The following AGAP2 variants were observed in gnomAD, a reference collection of about 807,000 sequenced individuals.
The protein encoded by AGAP2 is ArfGAP with GTPase domain, ankyrin repeat and PH domain 2, also known as arf-GAP with GTPase, ANK repeat and PH domain-containing protein 2.
AGAP2 carries 32 observed loss-of-function variants against 110.9 expected under a neutral mutation model. That is an observed-to-expected ratio of 0.29 (90% CI 0.22 to 0.39). The LOEUF (loss-of-function observed/expected upper bound fraction) is 0.39. Among genes scored for constraint, AGAP2 ranks in the 10% least tolerant of loss-of-function variants. AGAP2 has a pLI of 1.00. For synonymous variants in AGAP2, 702 were observed against 713.0 expected, an observed-to-expected ratio of 0.98 and a Z score of 0.25; for missense variants, 1,285 against 1,638.5, an observed-to-expected ratio of 0.78 and a Z score of 3.72.
chr12:57,726,964 G>A lies in AGAP2; in HGVS notation c.3336+10C>T. 6.5e-7 allele frequency: 1 copy of A among 1,548,962 alleles called. No homozygotes were observed. The highest frequency in any genetic ancestry group is 8.7e-7 in the Non-Finnish European group (1 of 1,148,830). On this transcript the variant is annotated intron_variant, in intron 18 of 18. Transcript: ENST00000547588. This position sits in a 1 kb window ranked among gnomAD's most constrained non-coding sequence, Gnocchi z 5.7. ...TCAAAGACCCCCTTTCCTCCCCCCAGCTCACGTACCCACAGCAGCAGTTGC... is the reference window on the plus strand; with the variant it reads ...TCAAAGACCCCCTTTCCTCCCCCCAACTCACGTACCCACAGCAGCAGTTGC...
Position 57,737,988 on chromosome 12 carries a change from C to T in AGAP2, c.259G>A (p.Gly87Ser). 6.9e-7 allele frequency: 1 copy of T among 1,451,716 alleles called. No individual in the cohort carries two copies. The allele number at this position is 1,451,716 out of a possible 1,614,324, so 89.9% of individuals were successfully genotyped here. A position where few individuals can be genotyped will look rare whatever the true frequency, so the allele number is the denominator to read the frequency against. ...GGGGACAGGGCTGGGGGCTCCGCGCCCCCGGTGCCCGCGCTGCTCGTGCTG... is the reference window on the plus strand; with the variant it reads ...GGGGACAGGGCTGGGGGCTCCGCGCTCCCGGTGCCCGCGCTGCTCGTGCTG... ...WISTSSAGTG[G>S]AEPPALSPAP... Residue 87 changes from glycine (G) to serine (S), a missense_variant, in exon 1 of 19, where the codon GGC becomes AGC. Around this residue, in one of 7 missense-constraint regions of AGAP2, gnomAD observed 844 missense variants for 941.2 expected, o/e 0.90. Coordinates refer to ENST00000547588, the MANE Select transcript of AGAP2 (RefSeq NM_001122772.3). The surrounding 1 kb of genome is among the most constrained non-coding windows in gnomAD (Gnocchi z 5.9).
chr12:57,738,142 A>G lies in AGAP2; in HGVS notation c.105T>C (p.Ser35=). The G allele has an allele frequency of 2.0e-6, 3 of 1,522,310 alleles. No homozygotes were observed. The highest frequency in any genetic ancestry group is 2.6e-6 in the Non-Finnish European group (3 of 1,140,258). The allele number at this position is 1,522,310 out of a possible 1,614,324, so 94.3% of individuals were successfully genotyped here. A position where few individuals can be genotyped will look rare whatever the true frequency, so the allele number is the denominator to read the frequency against. ...ESVPPPPPSP[S]AAAAGAAGAR... The stretch of plus-strand genomic sequence containing the variant: ...CACCGGCGGCGCCGGCCGCGGCCGC[A>G]GACGGAGAAGGCGGCGGCGGAGGCA... Residue 35 remains serine, a synonymous_variant, in exon 1 of 19, where the codon TCT becomes TCC. Transcript: ENST00000547588. This position sits in a 1 kb window ranked among gnomAD's most constrained non-coding sequence, Gnocchi z 6.7.
chr12:57,739,018 C>G (rs914407709), upstream of AGAP2, among the ~76,000 whole-genome samples: 5 of 139,392 alleles, frequency 3.6e-5, no homozygotes, highest in African/African-American at 1.3e-4. Flanking sequence ...CACCTTTTCT[C>G]CACCAGCACC....
At position 57,728,711 on chromosome 12, in the gene AGAP2, G is replaced by T. The variant is rs535059065; in HGVS notation, c.2558-334C>A. ...GGAGAAGAAGGGAGGGTCAGGATCTGAGTGAACACGGGGGAAGGGGACAGA... is the reference window on the plus strand; with the variant it reads ...GGAGAAGAAGGGAGGGTCAGGATCTTAGTGAACACGGGGGAAGGGGACAGA... On this transcript the variant is annotated intron_variant, in intron 13 of 18. Transcript: ENST00000547588. Among the ~76,000 whole-genome samples, 3 of 152,270 alleles carry T rather than the reference G, an allele frequency of 2.0e-5. No homozygotes were observed. In the East Asian group the frequency reaches 5.8e-4, roughly 29 times the overall value.
chr12:57,726,595 G>T lies in AGAP2; in HGVS notation c.3536C>A (p.Ala1179Asp). Residue 1179 changes from alanine to aspartate, a missense_variant, in exon 19 of 19, where the codon GCC becomes GAC. By Grantham distance (126) the Ala-to-Asp change is moderately radical. Around this residue, in one of 7 missense-constraint regions of AGAP2, gnomAD observed 201 missense variants for 276.1 expected, o/e 0.73. Transcript: ENST00000547588. The surrounding 1 kb of genome is among the most constrained non-coding windows in gnomAD (Gnocchi z 5.7). Reference sequence around the variant, plus strand: ...GGCGTCGGCGCGGCCCACGCTAGCGGCGCTGCTCCGGCGGCGGGGGCTGGG... The same window carrying T: ...GGCGTCGGCGCGGCCCACGCTAGCGTCGCTGCTCCGGCGGCGGGGGCTGGG... ...ATPSPRRRSS[A>D]ASVGRADAPV... The T allele has an allele frequency of 1.7e-6, 2 of 1,204,140 alleles. No homozygotes were observed. Among genetic ancestry groups the T allele is most frequent in the East Asian group, 3.5e-5 (1 of 28,660 alleles). 74.6% of individuals were successfully genotyped at this position (1,204,140 alleles called of 1,614,324 possible).
intron 15 of AGAP2, 78 bp downstream of exon 15, chr12:57,727,859 G>T: frequency 1.9e-6 from 3 of 1,600,598 alleles, no homozygotes; most frequent in East Asian, 2.2e-5. Context: ...ACACGACTTC[G>T]GCCGTGTCGT....
At chr12:57,732,791 A>G in intron 6 of AGAP2, 54 bp downstream of exon 6, 4 of 1,607,532 alleles carry the variant, frequency 2.5e-6, no homozygotes, top group South Asian at 1.1e-5. Flanking sequence ...CACTGAGAAT[A>G]TCCCAGGCCC....
Position 57,730,532 on chromosome 12 carries a change from C to T in AGAP2, c.2391G>A (p.Leu797=), listed in dbSNP as rs760919351. ...PPPDQTSKHL[L]KPDRNLARAL... ...CTCGGGCCAAATTCCGGTCTGGCTT[C>T]AGCAGGTGTTTGGATGTCTGATCTG... is the stretch of plus-strand genomic sequence containing the variant. Residue 797 remains leucine (L), a synonymous_variant, in exon 12 of 19, where the codon CTG becomes CTA. Coordinates refer to ENST00000547588, the MANE Select transcript of AGAP2 (RefSeq NM_001122772.3). 3 of 1,614,218 alleles carry T rather than the reference C, an allele frequency of 1.9e-6. No individual in the cohort carries two copies. The highest frequency in any genetic ancestry group is 2.2e-5 in the South Asian group (2 of 91,086).
In AGAP2 at chr12:57,735,350, A is replaced by G. The variant is rs1440094818; in HGVS notation, c.1227+19T>C. The G allele has an allele frequency of 6.2e-7, 1 of 1,613,440 alleles. No homozygotes were observed. Among genetic ancestry groups the G allele is most frequent in the Admixed American group, 1.7e-5 (1 of 59,980 alleles). On this transcript the variant is annotated intron_variant, in intron 2 of 18. Transcript: ENST00000547588. ...GGGAGGTCAGCCTTCCCTATAGGCAAGGGGACTGGGTTACCTACCAGGCGC... is the reference window on the plus strand; with the variant it reads ...GGGAGGTCAGCCTTCCCTATAGGCAGGGGGACTGGGTTACCTACCAGGCGC...
At position 57,725,920 on chromosome 12, in the gene AGAP2, G is replaced by T. The variant is rs1372793932; in HGVS notation, c.*632C>A. 6.6e-6 allele frequency: 1 copy of T among 151,910 alleles called. No individual in the cohort carries two copies. The highest frequency in any genetic ancestry group is 6.6e-5 in the Admixed American group (1 of 15,266). 9.4% of individuals were successfully genotyped at this position (151,910 alleles called of 1,614,324 possible). A position where few individuals can be genotyped will look rare whatever the true frequency, so the allele number is the denominator to read the frequency against. On this transcript the variant is annotated 3_prime_UTR_variant, in exon 19 of 19. Transcript: ENST00000547588. ...CTCTTTAGCTTCCACCCATGGGTAGGTGTAGGGGACGTCCTGGTTTCCACT... is the reference window on the plus strand; with the variant it reads ...CTCTTTAGCTTCCACCCATGGGTAGTTGTAGGGGACGTCCTGGTTTCCACT...
chr12:57,737,956 C>G lies in AGAP2; in HGVS notation c.291G>C (p.Pro97=). ...GAEPPALSPA[P]ASPARPVSPA... ...GGGAGACTGGGCGGGCCGGACTGGC[C>G]GGAGCCGGGGACAGGGCTGGGGGCT... is the stretch of plus-strand genomic sequence containing the variant. The change falls in exon 1 of 19, where the codon CCG becomes CCC. Residue 97 remains proline, a synonymous_variant. Transcript: ENST00000547588. This position sits in a 1 kb window ranked among gnomAD's most constrained non-coding sequence, Gnocchi z 5.9. 1.4e-6 allele frequency: 2 copies of G among 1,403,344 alleles called. No individual in the cohort carries two copies. The highest frequency in any genetic ancestry group is 1.8e-6 in the Non-Finnish European group (2 of 1,089,006). 86.9% of individuals were successfully genotyped at this position (1,403,344 alleles called of 1,614,324 possible).
downstream of AGAP2, chr12:57,724,666 C>T (rs920850917): frequency 6.6e-6 from 1 of 152,250 alleles, no homozygotes; most frequent in African/African-American, 2.4e-5. Context: ...AACCCCTACT[C>T]TATGTTCTAC....
chr12:57,731,526 C>T, intron 9 of AGAP2, 30 bp downstream of exon 9: 1 of 1,614,046 alleles, frequency 6.2e-7, no homozygotes, highest in Non-Finnish European at 8.5e-7. Context: ...CCAGCTGCCC[C>T]TAGCCTGTCC....
rs963412547 is a variant in AGAP2 at position 57,728,372 on chromosome 12, G to A, written c.2563C>T (p.Arg855Cys). 10 of 1,613,812 alleles carry A rather than the reference G, an allele frequency of 6.2e-6. No individual in the cohort carries two copies. The highest frequency in any genetic ancestry group is 1.7e-5 in the Admixed American group (1 of 60,002). ...AAGGATTTTAGTTTCCACATTTTGC[G>A]CTTGGCTGGTTTCCCGAAGCGAAGG... ...EGSAGQAEAKRKMWKLKSFGS... is the reference protein window; with the variant it reads ...EGSAGQAEAKCKMWKLKSFGS... Residue 855 changes from arginine (R) to cysteine (C), a missense_variant, in exon 14 of 19, where the codon CGC becomes TGC. Around this residue, in one of 7 missense-constraint regions of AGAP2, gnomAD observed 135 missense variants for 182.0 expected, o/e 0.74. Transcript: ENST00000547588.
intron 13 of AGAP2, among the ~76,000 whole-genome samples, chr12:57,728,793 G>A (rs563924095): frequency 1.1e-4 from 16 of 152,190 alleles, no homozygotes; most frequent in Admixed American, 3.9e-4. Context: ...GTGGGGGTGC[G>A]GGGAATCACT....
Position 57,732,459 on chromosome 12 carries a change from T to G in AGAP2, c.1738A>C (p.Lys580Gln). 1 of 1,598,686 alleles carries G rather than the reference T, an allele frequency of 6.3e-7. No homozygotes were observed. ...RKQQQLLAAC[K>Q]SLPSSPSHSA... ...TGGCTTGGGGAGCTGGGCAGGGACT[T>G]GCAGGCAGCCAGAAGCTGTTGCTGC... Residue 580 changes from lysine (K) to glutamine (Q), a missense_variant, in exon 7 of 19, where the codon AAG (lysine) becomes CAG (glutamine). By Grantham distance (53) the Lys-to-Gln change is moderately conservative (BLOSUM62 1). Coordinates refer to ENST00000547588, the MANE Select transcript of AGAP2 (RefSeq NM_001122772.3).
Position 57,738,154 on chromosome 12 carries a change from C to A in AGAP2, c.93G>T (p.Pro31=), listed in dbSNP as rs1450268452. The A allele has an allele frequency of 4.6e-6, 7 of 1,523,262 alleles. No individual in the cohort carries two copies. Among genetic ancestry groups the A allele is most frequent in the Non-Finnish European group, 6.1e-6 (7 of 1,140,578 alleles). The allele number at this position is 1,523,262 out of a possible 1,614,324, so 94.4% of individuals were successfully genotyped here. ...LVKLESVPPP[P]PSPSAAAAGA... is the part of the protein sequence containing the mutation. ...CGGCCGCGGCCGCAGACGGAGAAGG[C>A]GGCGGCGGAGGCACCGACTCGAGCT... Residue 31 remains proline, a synonymous_variant, in exon 1 of 19, where the codon CCG becomes CCT. Transcript: ENST00000547588. The surrounding 1 kb of genome is among the most constrained non-coding windows in gnomAD (Gnocchi z 6.7).
chr12:57,726,948 C>G lies in AGAP2; in HGVS notation c.3336+26G>C. On this transcript the variant is annotated intron_variant, in intron 18 of 18. Transcript: ENST00000547588. The surrounding 1 kb of genome is among the most constrained non-coding windows in gnomAD (Gnocchi z 5.7). ...TTTCCGAGATGAAGCCTCAAAGACCCCCTTTCCTCCCCCCAGCTCACGTAC... is the reference window on the plus strand; with the variant it reads ...TTTCCGAGATGAAGCCTCAAAGACCGCCTTTCCTCCCCCCAGCTCACGTAC... The G allele has an allele frequency of 6.6e-7, 1 of 1,516,408 alleles. No homozygotes were observed. Among genetic ancestry groups the G allele is most frequent in the African/African-American group, 1.4e-5 (1 of 72,150 alleles). 93.9% of individuals were successfully genotyped at this position (1,516,408 alleles called of 1,614,324 possible). A position where few individuals can be genotyped will look rare whatever the true frequency, so the allele number is the denominator to read the frequency against.
rs1001238887 is a variant in AGAP2, at chr12:57,726,463, G to A, written c.*89C>T. 1 of 1,118,422 alleles carries A rather than the reference G, an allele frequency of 8.9e-7. No homozygotes were observed. The highest frequency in any genetic ancestry group is 1.1e-6 in the Non-Finnish European group (1 of 911,206). 69.3% of individuals were successfully genotyped at this position (1,118,422 alleles called of 1,614,324 possible). On this transcript the variant is annotated 3_prime_UTR_variant, in exon 19 of 19. Coordinates refer to ENST00000547588, the MANE Select transcript of AGAP2 (RefSeq NM_001122772.3). The surrounding 1 kb of genome is among the most constrained non-coding windows in gnomAD (Gnocchi z 5.7). Reference sequence around the variant, plus strand: ...CCCGTGGGGCGGGGTGCGGATCGGAGAGGTGAGTGGGTGCGTCTGTCCAGC... The same window carrying A: ...CCCGTGGGGCGGGGTGCGGATCGGAAAGGTGAGTGGGTGCGTCTGTCCAGC...
Sources: gnomAD v4.1 joint callset for allele counts (sites outside exome capture counted in the v4.1 genomes callset) on GRCh38, gnomAD v4.1.1 for gene constraint, gnomAD v4.1.1 regional missense constraint, Gnocchi (gnomAD v3.1) non-coding constraint, MANE v1.5 for transcripts, NCBI Gene and HGNC (gene_info 2026-07-23, HGNC 2026-07-21) for gene names.